The following VPS13B variants were observed in gnomAD, a reference collection of about 807,000 sequenced individuals.
VPS13B encodes vacuolar protein sorting 13 homolog B, also known as intermembrane lipid transfer protein VPS13B.
In VPS13B, 285 loss-of-function variants were observed where a neutral mutation model predicts 426.4. That is an observed-to-expected ratio of 0.67 (90% confidence interval 0.61 to 0.74). VPS13B has a LOEUF of 0.74. VPS13B is among the 30% of genes least tolerant of loss of function. VPS13B has a pLI of 0.00. For missense variants in VPS13B, 4,537 were observed against 4,782.6 expected, an observed-to-expected ratio of 0.95 and a Z score of 1.51; for synonymous variants, 1,676 against 1,676.4, an observed-to-expected ratio of 1.00 and a Z score of 0.01.
chr8:99,305,472 C>T (rs1291798302), intron 19 of VPS13B, among the ~76,000 whole-genome samples: 1 of 152,026 alleles, frequency 6.6e-6, no homozygotes, highest in African/African-American at 2.4e-5. Flanking sequence ...ATTTGAGTAT[C>T]AGCAGATTTT....
At chr8:99,335,951 A>G (rs1004274311) in intron 19 of VPS13B, among the ~76,000 whole-genome samples, 3 of 152,240 alleles carry the variant, frequency 2.0e-5, no homozygotes, top group African/African-American at 4.8e-5. Flanking sequence ...AAGGTAATTT[A>G]TAGATTCAAT....
At position 99,335,224 on chromosome 8, in the gene VPS13B, T is replaced by G. The variant is rs554316796; in HGVS notation, c.2825-48984T>G. The stretch of plus-strand genomic sequence containing the variant: ...TGATATCTCCTTTATCATATTTTAT[T>G]GCGTCTATTTGATTCTTCTCTCTTT... On this transcript the variant is annotated intron_variant, in intron 19 of 61. Transcript: ENST00000357162. 1.6e-3 allele frequency among the ~76,000 whole-genome samples: 242 copies of G among 152,302 alleles called. 2 individuals carry two copies. Among genetic ancestry groups the G allele is most frequent in the African/African-American group, 5.7e-3 (235 of 41,564 alleles).
At chr8:99,702,754 C>A (rs1436606740) in intron 36 of VPS13B, among the ~76,000 whole-genome samples, 1 of 152,144 alleles carries the variant, frequency 6.6e-6, no homozygotes, top group African/African-American at 2.4e-5. Context: ...ACTCTAATCC[C>A]TAACTTATGC....
intron 49 of VPS13B, among the ~76,000 whole-genome samples, chr8:99,820,406 T>C (rs1814292674): frequency 6.6e-6 from 1 of 152,200 alleles, no homozygotes; most frequent in Non-Finnish European, 1.5e-5. Flanking sequence ...GTATTTGGGC[T>C]GCTCTATCAG....
intron 34 of VPS13B, among the ~76,000 whole-genome samples, chr8:99,656,095 A>G (rs895963223): frequency 1.3e-5 from 2 of 152,230 alleles, no homozygotes; most frequent in African/African-American, 4.8e-5. Flanking sequence ...TTATGACATA[A>G]TATGATGAAA....
intron 44 of VPS13B, among the ~76,000 whole-genome samples, chr8:99,812,869 C>T (rs572133477): frequency 6.6e-6 from 1 of 152,218 alleles, no homozygotes; most frequent in East Asian, 1.9e-4. Flanking sequence ...AATAAGAGTT[C>T]TGAAACCTGC....
Position 99,717,206 on chromosome 8 carries a change from A to G in VPS13B, c.6490A>G (p.Asn2164Asp), listed in dbSNP as rs768288329. The change falls in exon 37 of 62, where the codon AAC (asparagine) becomes GAC (aspartate). Residue 2164 changes from asparagine to aspartate, a missense_variant. Asn to Asp is a conservative substitution (Grantham distance 23, BLOSUM62 1). Around this residue, in one of 2 missense-constraint regions of VPS13B, gnomAD observed 4,311 missense variants for 4,474.3 expected, o/e 0.96. Coordinates refer to ENST00000357162, the MANE Select transcript of VPS13B (RefSeq NM_152564.5). ...TGGGTCATCATTTCTACTCAGTATA[A>G]ACGATTTTCTCCTTAAAACAAGTCT... is the stretch of plus-strand genomic sequence containing the variant. ...ILGSSFLLSI[N>D]DFLLKTSLKE... The G allele has an allele frequency of 1.2e-6, 2 of 1,613,820 alleles. No homozygotes were observed. Among genetic ancestry groups the G allele is most frequent in the Non-Finnish European group, 1.7e-6 (2 of 1,179,952 alleles).
chr8:99,252,595 G>C (rs758260545), intron 17 of VPS13B, among the ~76,000 whole-genome samples: 1 of 151,932 alleles, frequency 6.6e-6, no homozygotes, highest in East Asian at 1.9e-4. Flanking sequence ...CTGATATTCC[G>C]TCTATTTGTT....
intron 22 of VPS13B, among the ~76,000 whole-genome samples, chr8:99,437,561 T>C (rs1817449980): frequency 6.6e-6 from 1 of 151,794 alleles, no homozygotes; most frequent in African/African-American, 2.4e-5. Flanking sequence ...CTACTAAAAA[T>C]ACAAAAATTA....
chr8:99,065,861 AACAG>A (rs1423519409), intron 3 of VPS13B, among the ~76,000 whole-genome samples: 6 of 152,054 alleles, frequency 3.9e-5, no homozygotes, highest in South Asian at 2.1e-4. Flanking sequence ...ATACACTAAT[AACAG>A]ACAGAGAGCC....
intron 19 of VPS13B, among the ~76,000 whole-genome samples, chr8:99,289,990 A>G (rs534891997): frequency 1.4e-4 from 21 of 152,070 alleles, no homozygotes; most frequent in Admixed American, 2.6e-4. Context: ...TGGAGGAGGT[A>G]AGACTGACTC....
At chr8:99,640,073 AAAGAAAAG>A (rs1563839025) in intron 33 of VPS13B, among the ~76,000 whole-genome samples, 14 of 143,074 alleles carry the variant, frequency 9.8e-5, no homozygotes, top group African/African-American at 3.3e-4. Flanking sequence ...AAAGAAAAGA[AAAGAAAAG>A]AAAAGAAAAG....
chr8:99,082,885 T>A (rs879695364), intron 3 of VPS13B, among the ~76,000 whole-genome samples: 3 of 152,212 alleles, frequency 2.0e-5, no homozygotes, highest in Non-Finnish European at 4.4e-5. Context: ...TACTTTGAAG[T>A]CAGGTAGCCT....
At chr8:99,765,543 G>T (rs1811174635) in intron 39 of VPS13B, among the ~76,000 whole-genome samples, 1 of 152,220 alleles carries the variant, frequency 6.6e-6, no homozygotes, top group Non-Finnish European at 1.5e-5. Context: ...AAGCAAAGAA[G>T]TCTATTGCTT....
At chr8:99,023,756 G>C (rs921055063) in intron 2 of VPS13B, among the ~76,000 whole-genome samples, 2 of 152,190 alleles carry the variant, frequency 1.3e-5, no homozygotes, top group African/African-American at 4.8e-5. Context: ...TGGGATTACA[G>C]GTGTGAGCCA....
In VPS13B at chr8:99,641,977, G is replaced by A. The variant is rs201737428; in HGVS notation, c.5387G>A (p.Arg1796His). The change falls in exon 34 of 62, where the codon CGT becomes CAT. Residue 1796 changes from arginine to histidine, a missense_variant. Arg to His is a conservative substitution (Grantham distance 29). Coordinates refer to ENST00000357162, the MANE Select transcript of VPS13B (RefSeq NM_152564.5). ...HSGASQHRIARPSRQSSIVKN... is the reference protein window; with the variant it reads ...HSGASQHRIAHPSRQSSIVKN... ...GGTGCCAGTCAGCATCGCATTGCCCGTCCCTCACGCCAGTCATCAATTGTA... is the reference window on the plus strand; with the variant it reads ...GGTGCCAGTCAGCATCGCATTGCCCATCCCTCACGCCAGTCATCAATTGTA... 6 of 1,614,044 alleles carry A rather than the reference G, an allele frequency of 3.7e-6. No homozygotes were observed. The highest frequency in any genetic ancestry group is 1.1e-5 in the South Asian group (1 of 91,076).
chr8:99,216,657 A>C (rs1041959995), intron 17 of VPS13B, among the ~76,000 whole-genome samples: 6 of 151,608 alleles, frequency 4.0e-5, no homozygotes, highest in Admixed American at 2.0e-4. Context: ...CACCAGTCAC[A>C]TGTAGCTATT....
chr8:99,858,440 T>A (rs1816663307), intron 56 of VPS13B, among the ~76,000 whole-genome samples: 1 of 152,084 alleles, frequency 6.6e-6, no homozygotes, highest in Non-Finnish European at 1.5e-5. Context: ...AAGGGAACAC[T>A]CCCCTCTCAC....
At chr8:99,835,872 C>T in intron 54 of VPS13B, 134 bp downstream of exon 54, 1 of 878,188 alleles carries the variant, frequency 1.1e-6, no homozygotes. Context: ...CATGTGTATC[C>T]ATTTTTACGT....
Sources: gnomAD v4.1 joint callset for allele counts (sites outside exome capture counted in the v4.1 genomes callset) on GRCh38, gnomAD v4.1.1 for gene constraint, gnomAD v4.1.1 regional missense constraint, MANE v1.5 for transcripts, NCBI Gene and HGNC (gene_info 2026-07-23, HGNC 2026-07-21) for gene names.